The following MGAM2 variants were observed in gnomAD, a reference collection of about 807,000 sequenced individuals.
The protein encoded by MGAM2 is maltase-glucoamylase 2 (putative), also known as probable maltase-glucoamylase 2.
Under a neutral mutation model 96.1 loss-of-function variants are expected in MGAM2, and 98 were observed. The observed-to-expected ratio is 1.02, with a 90% CI of 0.87 to 1.21. The LOEUF (loss-of-function observed/expected upper bound fraction) is 1.21, where lower values mean the gene tolerates loss of function less well. Ranked by LOEUF, MGAM2 falls within the 50% of genes most tolerant of loss-of-function variation. The pLI, the probability that MGAM2 is intolerant of heterozygous loss-of-function variation, is 0.00. For missense variants in MGAM2, 2,055 were observed against 1,182.4 expected, an observed-to-expected ratio of 1.74 and a Z score of -10.82; for synonymous variants, 749 against 414.8, an observed-to-expected ratio of 1.81 and a Z score of -9.79.
At chr7:142,211,773 G>A (rs186154362) in intron 46 of MGAM2, among the ~76,000 whole-genome samples, 1 of 152,212 alleles carries the variant, frequency 6.6e-6, no homozygotes, top group East Asian at 1.9e-4. Flanking sequence ...ACACTTCAAG[G>A]TATTATCCAG....
intron 16 of MGAM2, 54 bp downstream of exon 16, chr7:142,154,243 T>C (rs1795669607): frequency 1.9e-6 from 1 of 536,318 alleles, no homozygotes; most frequent in African/African-American, 1.9e-5. Flanking sequence ...TGACATTCTT[T>C]TAATTAGCAG....
At chr7:142,218,575 C>T in intron 47 of MGAM2, 44 bp downstream of exon 47, 1 of 547,672 alleles carries the variant, frequency 1.8e-6, no homozygotes, top group Non-Finnish European at 3.3e-6. Flanking sequence ...TAAATTTTAT[C>T]ATTCTGCAAA....
intron 3 of MGAM2, among the ~76,000 whole-genome samples, chr7:142,127,773 G>A (rs1180562821): frequency 1.3e-5 from 2 of 152,136 alleles, no homozygotes; most frequent in Admixed American, 1.3e-4. Context: ...ATGACTGTGA[G>A]GCCTCCCCAG....
Position 142,197,650 on chromosome 7 carries a change from G to C in MGAM2, c.4788G>C (p.Thr1596=). 1 of 702,862 alleles carries C rather than the reference G, an allele frequency of 1.4e-6. No homozygotes were observed. The highest frequency in any genetic ancestry group is 2.6e-6 in the Non-Finnish European group (1 of 384,990). 43.5% of individuals were successfully genotyped at this position (702,862 alleles called of 1,614,324 possible). Residue 1596 remains threonine, a synonymous_variant, in exon 42 of 48, where the codon ACG becomes ACC. Coordinates refer to ENST00000477922, the MANE Select transcript of MGAM2 (RefSeq NM_001293626.2). ...TVVRPLLHEF[T]DDRTTWDIDR... is the part of the protein sequence containing the mutation. ...TCCTGTTTATTTTTTTAAGGTTTAC[G>C]GATGACAGGACAACATGGGATATAG...
At chr7:142,181,291 G>A (rs1796531887) in intron 32 of MGAM2, among the ~76,000 whole-genome samples, 1 of 152,106 alleles carries the variant, frequency 6.6e-6, no homozygotes, top group South Asian at 2.1e-4. Context: ...TCATTTCTGG[G>A]TGCTTTCAGA....
At position 142,189,518 on chromosome 7, in the gene MGAM2, T is replaced by G. The variant is rs1214480976; in HGVS notation, c.4346+13T>G. 5 of 743,558 alleles carry G rather than the reference T, an allele frequency of 6.7e-6. No homozygotes were observed. The African/African-American group carries it at 8.9e-5, about 13-fold the overall frequency. 46.1% of individuals were successfully genotyped at this position (743,558 alleles called of 1,614,324 possible). On this transcript the variant is annotated intron_variant, in intron 37 of 47. Coordinates refer to ENST00000477922, the MANE Select transcript of MGAM2 (RefSeq NM_001293626.2). ...GACCCACATACGAGTGAGTGTCTTT[T>G]TGTCACAGCAGCAAAGATAATTTTC...
chr7:142,221,215 C>T lies in MGAM2; in HGVS notation c.6704C>T (p.Ala2235Val), dbSNP rs770486238. The T allele has an allele frequency of 1.4e-6, 1 of 701,774 alleles. No homozygotes were observed. The highest frequency in any genetic ancestry group is 2.6e-6 in the Non-Finnish European group (1 of 384,320). 43.5% of individuals were successfully genotyped at this position (701,774 alleles called of 1,614,324 possible). The change falls in exon 48 of 48, where the codon GCT becomes GTT. Residue 2235 changes from alanine (A) to valine (V), a missense_variant. Transcript: ENST00000477922. The part of the protein sequence containing the change: ...STDVASTNND[A>V]SMTNFLLATM... ...GATGTTGCTAGCACAAATAATGATGCTTCTATGACAAATTTTCTTTTAGCT... is the reference window on the plus strand; with the variant it reads ...GATGTTGCTAGCACAAATAATGATGTTTCTATGACAAATTTTCTTTTAGCT...
intron 23 of MGAM2, among the ~76,000 whole-genome samples, chr7:142,162,379 G>A (rs1795915857): frequency 1.3e-5 from 2 of 152,040 alleles, no homozygotes; most frequent in South Asian, 4.1e-4. Flanking sequence ...GTCCTTTGTA[G>A]CACGTAAAAC....
chr7:142,198,799 A>C, intron 44 of MGAM2, 60 bp downstream of exon 44: 1 of 664,772 alleles, frequency 1.5e-6, no homozygotes, highest in Non-Finnish European at 2.7e-6. Context: ...GAAGCCTTAC[A>C]GGAGGCTGTC....
Position 142,218,410 on chromosome 7 carries a change from A to T in MGAM2, c.5237A>T (p.Asn1746Ile), listed in dbSNP as rs1382159027. 2 of 702,470 alleles carry T rather than the reference A, an allele frequency of 2.8e-6. No individual in the cohort carries two copies. The highest frequency in any genetic ancestry group is 4.0e-5 in the Admixed American group (2 of 49,954). The allele number at this position is 702,470 out of a possible 1,614,324, so 43.5% of individuals were successfully genotyped here. ...CACAATAAGTATTTGAGTGACTCGA[A>T]TCCACTAAAAGTTGGGTATATTAGA... ...TIHNKYLSDS[N>I]PLKVGYIRIW... Residue 1746 changes from asparagine (N) to isoleucine (I), a missense_variant, in exon 47 of 48, where the codon AAT (asparagine) becomes ATT (isoleucine). Transcript: ENST00000477922.
intron 1 of MGAM2, among the ~76,000 whole-genome samples, chr7:142,113,968 C>T (rs1388087651): frequency 2.0e-5 from 3 of 151,502 alleles, no homozygotes; most frequent in South Asian, 2.1e-4. Flanking sequence ...CCTGTCTCTA[C>T]AAAAATATAA....
In MGAM2 at chr7:142,219,943, G is replaced by T. The variant is rs909047750; in HGVS notation, c.5432G>T (p.Gly1811Val). The T allele has an allele frequency of 5.7e-6, 4 of 702,642 alleles. No individual in the cohort carries two copies. The Admixed American group carries it at 8.0e-5, about 14-fold the overall frequency. The allele number at this position is 702,642 out of a possible 1,614,324, so 43.5% of individuals were successfully genotyped here. A position where few individuals can be genotyped will look rare whatever the true frequency, so the allele number is the denominator to read the frequency against. The change falls in exon 48 of 48, where the codon GGT (glycine) becomes GTT (valine). Residue 1811 changes from glycine to valine, a missense_variant. Gly to Val is a moderately radical substitution (Grantham distance 109, BLOSUM62 -3). Transcript: ENST00000477922. ...ACTGAGGTTACTTGGATTGATGGTG[G>T]TCCTGTACTTCCTACTCCAACTAAG... ...KLTEVTWIDGGPVLPTPTKTS... is the reference protein window; with the variant it reads ...KLTEVTWIDGVPVLPTPTKTS...
chr7:142,143,908 T>G (rs1169469857), intron 13 of MGAM2, 26 bp downstream of exon 13: 1 of 700,974 alleles, frequency 1.4e-6, no homozygotes, highest in Non-Finnish European at 2.6e-6. Context: ...TGACTCAAAT[T>G]TCCTTTGGAA....
rs936679797 is a variant in MGAM2 at position 142,162,560 on chromosome 7, C to A, written c.2484+556C>A. 2.0e-4 allele frequency among the ~76,000 whole-genome samples: 31 copies of A among 151,976 alleles called. 1 individual carries two copies. The highest frequency in any genetic ancestry group is 7.5e-4 in the African/African-American group (31 of 41,386). The stretch of plus-strand genomic sequence containing the variant: ...TCTTAGAAGCCTGATCATATATGGG[C>A]AGAACTTTCTTTTGAGGCGGTCTCT... On this transcript the variant is annotated intron_variant, in intron 23 of 47. Transcript: ENST00000477922.
At chr7:142,179,486 T>A (rs1040979820) in intron 32 of MGAM2, among the ~76,000 whole-genome samples, 1 of 152,206 alleles carries the variant, frequency 6.6e-6, no homozygotes, top group Non-Finnish European at 1.5e-5. Flanking sequence ...TGATGTTGGC[T>A]GTGGGTTTGT....
rs1318948557 is a variant in MGAM2 at position 142,198,754 on chromosome 7, C to A, written c.5048+15C>A. ...ACTCACTCCAGGTGAGGAGAAGAGG[C>A]AATGTCTAACAGCCTCTTGCTATAC... On this transcript the variant is annotated intron_variant, in intron 44 of 47. Coordinates refer to ENST00000477922, the MANE Select transcript of MGAM2 (RefSeq NM_001293626.2). 1 of 702,216 alleles carries A rather than the reference C, an allele frequency of 1.4e-6. No individual in the cohort carries two copies. The highest frequency in any genetic ancestry group is 2.0e-5 in the Admixed American group (1 of 49,860). The allele number at this position is 702,216 out of a possible 1,614,324, so 43.5% of individuals were successfully genotyped here.
chr7:142,220,781 T>A lies in MGAM2; in HGVS notation c.6270T>A (p.Thr2090=). 1.4e-6 allele frequency: 1 copy of A among 702,228 alleles called. No homozygotes were observed. Among genetic ancestry groups the A allele is most frequent in the Non-Finnish European group, 2.6e-6 (1 of 384,802 alleles). The allele number at this position is 702,228 out of a possible 1,614,324, so 43.5% of individuals were successfully genotyped here. A position where few individuals can be genotyped will look rare whatever the true frequency, so the allele number is the denominator to read the frequency against. ...CTATGCCTTCTCCTACAAGTAGTAC[T>A]ACTGTGAGTACTATTGCTACCGTTC... The part of the protein sequence containing the change: ...NTTMPSPTSS[T]TVSTIATVPI... The change falls in exon 48 of 48, where the codon ACT becomes ACA. Residue 2090 remains threonine, a synonymous_variant. Coordinates refer to ENST00000477922, the MANE Select transcript of MGAM2 (RefSeq NM_001293626.2).
At chr7:142,149,054 T>C (rs1295681250) in intron 15 of MGAM2, among the ~76,000 whole-genome samples, 2 of 151,938 alleles carry the variant, frequency 1.3e-5, no homozygotes, top group Non-Finnish European at 2.9e-5. Flanking sequence ...TAGTGAAACC[T>C]CGTCTTTACT....
At chr7:142,215,758 CA>C (rs561282810) in intron 46 of MGAM2, among the ~76,000 whole-genome samples, 59,226 of 104,162 alleles carry the variant, frequency 0.57, 13,026 homozygotes, top group Middle Eastern at 0.61. Flanking sequence ...AACTCTGTCT[CA>C]AAAAAAAAAA....
Sources: gnomAD v4.1 joint callset for allele counts (sites outside exome capture counted in the v4.1 genomes callset) on GRCh38, gnomAD v4.1.1 for gene constraint, MANE v1.5 for transcripts, NCBI Gene and HGNC (gene_info 2026-07-23, HGNC 2026-07-21) for gene names.